L3MBTL4: variants seen among roughly 807,000 people sequenced by gnomAD.
L3MBTL4 encodes the protein lethal(3)malignant brain tumor-like protein 4.
In L3MBTL4, 70 loss-of-function variants were observed where a neutral mutation model predicts 84.5. The observed-to-expected ratio is 0.83, with a 90% confidence interval of 0.68 to 1.01. The LOEUF is 1.01. L3MBTL4 is among the 50% of genes least tolerant of loss of function. The pLI is 0.00. For synonymous variants in L3MBTL4, 274 were observed against 259.8 expected, an observed-to-expected ratio of 1.05 and a Z score of -0.52; for missense variants, 715 against 754.8, an observed-to-expected ratio of 0.95 and a Z score of 0.62.
At chr18:6,129,474 T>G (rs1335112926) in intron 14 of L3MBTL4, among the ~76,000 whole-genome samples, 1 of 151,720 alleles carries the variant, frequency 6.6e-6, no homozygotes, top group Non-Finnish European at 1.5e-5. Flanking sequence ...TTTTAAAAAT[T>G]TGTATAACTT....
intron 1 of L3MBTL4, among the ~76,000 whole-genome samples, chr18:6,321,433 G>C (rs117954610): frequency 1.3e-5 from 2 of 152,112 alleles, no homozygotes; most frequent in Non-Finnish European, 2.9e-5. Context: ...TGTGGATGTG[G>C]TGGAAAGAGG....
chr18:6,367,946 G>A (rs1568562768), intron 1 of L3MBTL4, among the ~76,000 whole-genome samples: 1 of 152,088 alleles, frequency 6.6e-6, no homozygotes, highest in East Asian at 1.9e-4. Flanking sequence ...CAGTCACAAA[G>A]CTCGTGAAAC....
intron 12 of L3MBTL4, among the ~76,000 whole-genome samples, chr18:6,209,012 G>C (rs1441192268): frequency 6.6e-6 from 1 of 152,150 alleles, no homozygotes; most frequent in Non-Finnish European, 1.5e-5. Context: ...GGCTGCTCAT[G>C]GTCCTATCCC....
chr18:6,350,776 A>G (rs1424021195), intron 1 of L3MBTL4, among the ~76,000 whole-genome samples: 12 of 152,216 alleles, frequency 7.9e-5, no homozygotes. Flanking sequence ...TAGTGCACCA[A>G]TGTAAATGGC....
In L3MBTL4 at chr18:5,972,864, GAA is replaced by G. The variant is rs1347169026; in HGVS notation, c.1445-3304_1445-3303del. Among the ~76,000 whole-genome samples, 21 of 16,430 alleles carry G rather than the reference GAA, an allele frequency of 1.3e-3. No individual in the cohort carries two copies. The African/African-American group carries it at 0.027, about 21-fold the overall frequency. The allele number at this position is 16,430 out of a possible 152,430, so 10.8% of individuals were successfully genotyped here. A position where few individuals can be genotyped will look rare whatever the true frequency, so the allele number is the denominator to read the frequency against. Reference sequence around the variant, plus strand: ...GGGAGACAAAAAATAGAATAGTATAGAATAGAATAGAATAGAATAGAACAGAA... The same window carrying G: ...GGGAGACAAAAAATAGAATAGTATAGTAGAATAGAATAGAATAGAACAGAA... On this transcript the variant is annotated intron_variant, in intron 16 of 18. Coordinates refer to ENST00000317931, the MANE Select transcript of L3MBTL4 (RefSeq NM_001330559.2).
chr18:6,369,521 T>A (rs1163297315), intron 1 of L3MBTL4, among the ~76,000 whole-genome samples: 1 of 152,082 alleles, frequency 6.6e-6, no homozygotes, highest in Non-Finnish European at 1.5e-5. Context: ...GGGATCACTC[T>A]ATACAAGGGA....
At chr18:6,238,727 G>T (rs1030771303) in intron 9 of L3MBTL4, among the ~76,000 whole-genome samples, 4 of 152,032 alleles carry the variant, frequency 2.6e-5, no homozygotes, top group African/African-American at 9.7e-5. Context: ...AAAGAACCCA[G>T]AATATTCTGC....
intron 14 of L3MBTL4, among the ~76,000 whole-genome samples, chr18:6,099,960 G>A (rs929284740): frequency 6.6e-6 from 1 of 152,062 alleles, no homozygotes; most frequent in South Asian, 2.1e-4. Flanking sequence ...TGAAATCCTG[G>A]ATATTATAAT....
intron 2 of L3MBTL4, 84 bp downstream of exon 2, chr18:6,311,914 T>C (rs554554708): frequency 3.3e-5 from 10 of 303,288 alleles, no homozygotes; most frequent in Non-Finnish European, 6.3e-5. Flanking sequence ...TGGTCTTATC[T>C]GGGATAAAAT....
chr18:6,118,978 A>AG (rs1163821907), intron 14 of L3MBTL4, among the ~76,000 whole-genome samples: 3 of 124,516 alleles, frequency 2.4e-5, no homozygotes, highest in African/African-American at 6.5e-5. Context: ...GATTTGGCAC[A>AG]GTTTTTTTTG....
At chr18:6,137,504 T>C (rs583556) in intron 14 of L3MBTL4, among the ~76,000 whole-genome samples, 1 of 152,210 alleles carries the variant, frequency 6.6e-6, no homozygotes, top group African/African-American at 2.4e-5. Context: ...CTTTTCTCTT[T>C]ACAGTAAACT....
At chr18:6,346,706 A>G (rs2052922501) in intron 1 of L3MBTL4, among the ~76,000 whole-genome samples, 1 of 152,102 alleles carries the variant, frequency 6.6e-6, no homozygotes, top group African/African-American at 2.4e-5. Flanking sequence ...AATATTGGCA[A>G]ATATGTGGAG....
At chr18:5,966,897 A>G (rs1308736656) in intron 17 of L3MBTL4, among the ~76,000 whole-genome samples, 3 of 151,862 alleles carry the variant, frequency 2.0e-5, no homozygotes, top group Non-Finnish European at 4.4e-5. Flanking sequence ...TTCTTCTTCT[A>G]TGTCTGATCT....
At chr18:6,288,158 A>G (rs1481802111) in intron 4 of L3MBTL4, among the ~76,000 whole-genome samples, 3 of 152,242 alleles carry the variant, frequency 2.0e-5, no homozygotes, top group African/African-American at 7.2e-5. Context: ...TTATAATCTC[A>G]TAACTGAAAT....
intron 16 of L3MBTL4, among the ~76,000 whole-genome samples, chr18:6,021,511 G>A (rs1448826897): frequency 6.6e-5 from 10 of 152,286 alleles, no homozygotes; most frequent in East Asian, 1.9e-4. Flanking sequence ...GAAGCACCGC[G>A]GCGTGCCATC....
At chr18:6,289,706 G>A (rs1182859638) in intron 4 of L3MBTL4, among the ~76,000 whole-genome samples, 2 of 151,650 alleles carry the variant, frequency 1.3e-5, no homozygotes, top group Non-Finnish European at 2.9e-5. Flanking sequence ...TTTTTTTTCA[G>A]ATCCTGTAAC....
chr18:6,000,428 G>A (rs901979232), intron 16 of L3MBTL4, among the ~76,000 whole-genome samples: 3 of 152,126 alleles, frequency 2.0e-5, no homozygotes, highest in Admixed American at 1.3e-4. Flanking sequence ...GATGGAACTC[G>A]AAGGAGCAGA....
chr18:6,148,192 G>A (rs982193509), intron 13 of L3MBTL4, among the ~76,000 whole-genome samples: 1 of 152,176 alleles, frequency 6.6e-6, no homozygotes, highest in Non-Finnish European at 1.5e-5. Context: ...TTCAATTTTA[G>A]ATATCTCCCC....
At chr18:6,030,501 C>CTT (rs112869054) in intron 16 of L3MBTL4, 842 of 843,610 alleles carry the variant, frequency 1.0e-3, no homozygotes, top group Middle Eastern at 1.8e-3. Context: ...TGAAGAGACT[C>CTT]TTTTTTTTTT....
Sources: allele counts gnomAD v4.1 joint callset (sites outside exome capture counted in the v4.1 genomes callset), GRCh38; gene constraint gnomAD v4.1.1; transcripts MANE v1.5; gene names NCBI Gene and HGNC (gene_info 2026-07-23, HGNC 2026-07-21).